The following GAPT variants were observed in gnomAD, a reference collection of about 807,000 sequenced individuals.
The protein encoded by GAPT is protein GAPT.
For missense variants in GAPT, 206 were observed against 189.2 expected (o/e 1.09, Z -0.52); for synonymous variants, 82 against 69.7 (o/e 1.18, Z -0.88).
intron 1 of GAPT, chr5:58,493,478 T>A (rs1444049913): frequency 6.6e-6 from 1 of 152,214 alleles, no homozygotes; most frequent in Admixed American, 6.5e-5. Context: ...ACTTTAAAGA[T>A]CTCATTTCAT....
Position 58,494,589 on chromosome 5 carries a change from T to A in GAPT, c.53T>A (p.Leu18His). The change falls in exon 3 of 3, where the codon CTT becomes CAT. Residue 18 changes from leucine (L) to histidine (H), a missense_variant. Physicochemically the swap from Leu to His is moderately conservative, Grantham distance 99. Coordinates refer to ENST00000502276, the MANE Select transcript of GAPT (RefSeq NM_001304431.2). Reference sequence around the variant, plus strand: ...GCGGCCATTTCTGTAGGAATTTCGCTTCTTTTACTCTTAGTGGTTTGTGGA... The same window carrying A: ...GCGGCCATTTCTGTAGGAATTTCGCATCTTTTACTCTTAGTGGTTTGTGGA... The part of the protein sequence containing the change: ...NLAAISVGIS[L>H]LLLLVVCGIG... The A allele has an allele frequency of 6.2e-7, 1 of 1,612,510 alleles. No homozygotes were observed. Among genetic ancestry groups the A allele is most frequent in the South Asian group, 1.1e-5 (1 of 90,942 alleles).
chr5:58,494,883 G>A lies in GAPT; in HGVS notation c.347G>A (p.Gly116Glu), dbSNP rs1744397392. ...GATAAGGAACTATATGAAAACACAG[G>A]GCAGTCTAATTTCGAGGAGCATATC... ...KTDKELYENTGQSNFEEHIYG... is the reference protein window; with the variant it reads ...KTDKELYENTEQSNFEEHIYG... The change falls in exon 3 of 3, where the codon GGG becomes GAG. Residue 116 changes from glycine (G) to glutamate (E), a missense_variant. Gly to Glu is a moderately conservative substitution (Grantham distance 98, BLOSUM62 -2). Coordinates refer to ENST00000502276, the MANE Select transcript of GAPT (RefSeq NM_001304431.2). The A allele has an allele frequency of 2.5e-6, 4 of 1,613,642 alleles. No individual in the cohort carries two copies. Among genetic ancestry groups the A allele is most frequent in the Admixed American group, 1.7e-5 (1 of 59,942 alleles).
chr5:58,495,754 CTCAA>C lies in GAPT; in HGVS notation c.*750_*753del, dbSNP rs562447468. ...TCCTCCTGCTTCTAGTTTCTACCCA[CTCAA>C]TCAATTACCGATGGTGTTGCCAGAT... On this transcript the variant is annotated 3_prime_UTR_variant, in exon 3 of 3. Coordinates refer to ENST00000502276, the MANE Select transcript of GAPT (RefSeq NM_001304431.2). The C allele has an allele frequency of 2.3e-3, 381 of 166,470 alleles. 3 individuals carry two copies. The highest frequency in any genetic ancestry group is 4.7e-4 in the Non-Finnish European group (32 of 68,104). 10.3% of individuals were successfully genotyped at this position (166,470 alleles called of 1,614,324 possible). A position where few individuals can be genotyped will look rare whatever the true frequency, so the allele number is the denominator to read the frequency against.
intron 1 of GAPT, among the ~76,000 whole-genome samples, chr5:58,492,457 C>A (rs1380183064): frequency 6.6e-6 from 1 of 152,098 alleles, no homozygotes; most frequent in Non-Finnish European, 1.5e-5. Context: ...TCCTTGAACA[C>A]AAGCACGGCT....
In GAPT at chr5:58,495,027, C is replaced by G. The variant is rs192759468; in HGVS notation, c.*17C>G. ...TCATATTAGCTTTTCAAAATATTGA[C>G]TTTTGTTATTGGATGATAAATATTC... On this transcript the variant is annotated 3_prime_UTR_variant, in exon 3 of 3. Coordinates refer to ENST00000502276, the MANE Select transcript of GAPT (RefSeq NM_001304431.2). The G allele has an allele frequency of 2.6e-5, 38 of 1,480,482 alleles. No homozygotes were observed. The Admixed American group carries it at 6.8e-4, about 26-fold the overall frequency. The allele number at this position is 1,480,482 out of a possible 1,614,324, so 91.7% of individuals were successfully genotyped here. A position where few individuals can be genotyped will look rare whatever the true frequency, so the allele number is the denominator to read the frequency against.
chr5:58,495,094 T>C lies in GAPT; in HGVS notation c.*84T>C. On this transcript the variant is annotated 3_prime_UTR_variant, in exon 3 of 3. Coordinates refer to ENST00000502276, the MANE Select transcript of GAPT (RefSeq NM_001304431.2). ...AGCAAAGACAAGGAATCAAACTAAATGTTGATCAACTGTAGACTGGATAAA... is the reference window on the plus strand; with the variant it reads ...AGCAAAGACAAGGAATCAAACTAAACGTTGATCAACTGTAGACTGGATAAA... 2 of 837,334 alleles carry C rather than the reference T, an allele frequency of 2.4e-6. No homozygotes were observed. The highest frequency in any genetic ancestry group is 3.7e-6 in the Non-Finnish European group (2 of 537,850). 51.9% of individuals were successfully genotyped at this position (837,334 alleles called of 1,614,324 possible). A position where few individuals can be genotyped will look rare whatever the true frequency, so the allele number is the denominator to read the frequency against.
rs932675086 is a variant in GAPT, at chr5:58,493,763, G to A, written c.-366G>A. ...TCATTAATATGGGATTACAGAGGAA[G>A]GAATGGTTAAGAAAAAGACATGGCC... On this transcript the variant is annotated 5_prime_UTR_variant, in exon 2 of 3. Coordinates refer to ENST00000502276, the MANE Select transcript of GAPT (RefSeq NM_001304431.2). 8 of 152,142 alleles carry A rather than the reference G, an allele frequency of 5.3e-5. No homozygotes were observed. The highest frequency in any genetic ancestry group is 1.3e-4 in the Admixed American group (2 of 15,268). The allele number at this position is 152,142 out of a possible 1,614,324, so 9.4% of individuals were successfully genotyped here.
chr5:58,494,974 A>G lies in GAPT; in HGVS notation c.438A>G (p.Gln146=). ...AGCCTCGTCCTTCTGAAGTTCCTCA[A>G]GATGAAGATATATACATTCTTCCAG... ...FQKPRPSEVP[Q]DEDIYILPDS... Residue 146 remains glutamine (Q), a synonymous_variant, in exon 3 of 3, where the codon CAA becomes CAG. Coordinates refer to ENST00000502276, the MANE Select transcript of GAPT (RefSeq NM_001304431.2). 1 of 1,611,968 alleles carries G rather than the reference A, an allele frequency of 6.2e-7. No individual in the cohort carries two copies. Among genetic ancestry groups the G allele is most frequent in the Non-Finnish European group, 8.5e-7 (1 of 1,178,446 alleles).
At chr5:58,493,181 T>C (rs936012610) in intron 1 of GAPT, among the ~76,000 whole-genome samples, 1 of 152,154 alleles carries the variant, frequency 6.6e-6, no homozygotes, top group Non-Finnish European at 1.5e-5. Context: ...AAGCTGAAAC[T>C]CTTAACTAAA....
At chr5:58,492,933 T>C (rs1477128682) in intron 1 of GAPT, among the ~76,000 whole-genome samples, 1 of 152,164 alleles carries the variant, frequency 6.6e-6, no homozygotes, top group African/African-American at 2.4e-5. Context: ...ACCTCAGAGC[T>C]AATCAAGCTA....
intron 1 of GAPT, among the ~76,000 whole-genome samples, 174 bp downstream of exon 1, chr5:58,491,715 C>T (rs2111760586): frequency 6.6e-6 from 1 of 152,244 alleles, no homozygotes; most frequent in South Asian, 2.1e-4. Context: ...TGTTTCTTTA[C>T]AATATGATTA....
In GAPT at chr5:58,494,675, T is replaced by A; in HGVS notation, c.139T>A (p.Leu47Ile). The change falls in exon 3 of 3, where the codon TTA (leucine) becomes ATA (isoleucine). Residue 47 changes from leucine (L) to isoleucine (I), a missense_variant. By Grantham distance (5) the Leu-to-Ile change is conservative. Transcript: ENST00000502276. ...CACACGATTTACCTTACCGAGGTTT[T>A]TACAAAGGAGAAGCAGCAGGAGAAA... Reference protein sequence around the residue: ...VATRFTLPRFLQRRSSRRKVC... With the variant: ...VATRFTLPRFIQRRSSRRKVC... 1 of 1,614,038 alleles carries A rather than the reference T, an allele frequency of 6.2e-7. No individual in the cohort carries two copies. Among genetic ancestry groups the A allele is most frequent in the Non-Finnish European group, 8.5e-7 (1 of 1,179,960 alleles).
chr5:58,492,889 A>G (rs1007251585), intron 1 of GAPT, among the ~76,000 whole-genome samples: 1 of 152,174 alleles, frequency 6.6e-6, no homozygotes, highest in African/African-American at 2.4e-5. Flanking sequence ...TGGTAATACA[A>G]AGGTAAATAA....
chr5:58,495,136 T>A lies in GAPT; in HGVS notation c.*126T>A. The stretch of plus-strand genomic sequence containing the variant: ...CTGGATAAAGAAAATGTGGTACACA[T>A]ACACCATAGAATATTATGCAGCCGT... On this transcript the variant is annotated 3_prime_UTR_variant, in exon 3 of 3. Coordinates refer to ENST00000502276, the MANE Select transcript of GAPT (RefSeq NM_001304431.2). The A allele has an allele frequency of 1.6e-6, 1 of 632,968 alleles. No homozygotes were observed. The highest frequency in any genetic ancestry group is 2.7e-6 in the Non-Finnish European group (1 of 367,086). 39.2% of individuals were successfully genotyped at this position (632,968 alleles called of 1,614,324 possible). A position where few individuals can be genotyped will look rare whatever the true frequency, so the allele number is the denominator to read the frequency against.
intron 1 of GAPT, among the ~76,000 whole-genome samples, chr5:58,492,149 C>T (rs1474223950): frequency 6.6e-6 from 1 of 152,092 alleles, no homozygotes; most frequent in East Asian, 1.9e-4. Context: ...AATGCCTTTT[C>T]TTCTTAAAAA....
chr5:58,492,010 A>G (rs969923040), intron 1 of GAPT, among the ~76,000 whole-genome samples: 1 of 152,198 alleles, frequency 6.6e-6, no homozygotes, highest in Non-Finnish European at 1.5e-5. Flanking sequence ...TTTCGAAGAA[A>G]ATGATGCATT....
Position 58,493,767 on chromosome 5 carries a change from T to C in GAPT, c.-362T>C, listed in dbSNP as rs1744337480. The C allele has an allele frequency of 6.6e-6, 1 of 152,144 alleles. No homozygotes were observed. Among genetic ancestry groups the C allele is most frequent in the Non-Finnish European group, 1.5e-5 (1 of 68,014 alleles). 9.4% of individuals were successfully genotyped at this position (152,144 alleles called of 1,614,324 possible). A position where few individuals can be genotyped will look rare whatever the true frequency, so the allele number is the denominator to read the frequency against. On this transcript the variant is annotated 5_prime_UTR_variant, in exon 2 of 3. It removes an upstream start codon present in the reference 5' UTR. Coordinates refer to ENST00000502276, the MANE Select transcript of GAPT (RefSeq NM_001304431.2). ...TAATATGGGATTACAGAGGAAGGAATGGTTAAGAAAAAGACATGGCCTCTG... is the reference window on the plus strand; with the variant it reads ...TAATATGGGATTACAGAGGAAGGAACGGTTAAGAAAAAGACATGGCCTCTG...
chr5:58,496,659 G>A lies in GAPT; in HGVS notation c.*1649G>A, dbSNP rs938485887. ...TCTACCAATAGGGGGCACTAAGGAA[G>A]ACCGAAAGGCAGTAGGAGGCAACAG... On this transcript the variant is annotated 3_prime_UTR_variant, in exon 3 of 3. Coordinates refer to ENST00000502276, the MANE Select transcript of GAPT (RefSeq NM_001304431.2). 1 of 167,116 alleles carries A rather than the reference G, an allele frequency of 6.0e-6. No individual in the cohort carries two copies. The highest frequency in any genetic ancestry group is 1.5e-5 in the Non-Finnish European group (1 of 68,128). 10.4% of individuals were successfully genotyped at this position (167,116 alleles called of 1,614,324 possible).
intron 2 of GAPT, 40 bp from the exon 3 acceptor site, chr5:58,494,207 C>T (rs1192614248): frequency 4.6e-6 from 1 of 215,788 alleles, no homozygotes; most frequent in Non-Finnish European, 9.1e-6. Flanking sequence ...CTGCTGTCAT[C>T]TTCCACTCAT....
Sources: gnomAD v4.1 joint callset for allele counts (sites outside exome capture counted in the v4.1 genomes callset) on GRCh38, gnomAD v4.1.1 for gene constraint, MANE v1.5 for transcripts, NCBI Gene and HGNC (gene_info 2026-07-23, HGNC 2026-07-21) for gene names.